Variants in CCDC141 observed in about 807,000 individuals in gnomAD.
CCDC141 encodes coiled-coil domain containing 141.
In CCDC141, 168 loss-of-function variants were observed where a neutral mutation model predicts 181.0. That is an observed-to-expected ratio of 0.93 (90% CI 0.82 to 1.05). CCDC141 has a LOEUF of 1.05. Among genes scored for constraint, CCDC141 ranks in the 50% least tolerant of loss-of-function variants. The probability of loss-of-function intolerance (pLI) is 0.00; values close to 1 mark genes in which losing one functional copy is unlikely to be tolerated. For synonymous variants in CCDC141, 666 were observed against 642.3 expected, an observed-to-expected ratio of 1.04 and a Z score of -0.56; for missense variants, 1,902 against 1,788.5, an observed-to-expected ratio of 1.06 and a Z score of -1.14.
At chr2:178,938,876 A>G (rs1275020897) in intron 6 of CCDC141, among the ~76,000 whole-genome samples, 1 of 152,166 alleles carries the variant, frequency 6.6e-6, no homozygotes, top group Non-Finnish European at 1.5e-5. Context: ...GCAACCAAGT[A>G]TAGCCTTATA....
At chr2:178,890,715 A>G (rs892314979) in intron 8 of CCDC141, among the ~76,000 whole-genome samples, 4 of 152,170 alleles carry the variant, frequency 2.6e-5, no homozygotes, top group African/African-American at 4.8e-5. Context: ...CAACACTGAC[A>G]CTGAGCCCAG....
At chr2:179,027,605 A>G (rs943575279) in intron 2 of CCDC141, among the ~76,000 whole-genome samples, 12 of 137,378 alleles carry the variant, frequency 8.7e-5, no homozygotes, top group African/African-American at 3.0e-4. Context: ...AGATCGTGCC[A>G]TTGCACTCCA....
intron 5 of CCDC141, among the ~76,000 whole-genome samples, chr2:178,953,162 C>T (rs534384044): frequency 2.6e-5 from 4 of 152,154 alleles, no homozygotes; most frequent in South Asian, 2.1e-4. Context: ...TTCGGCTGGG[C>T]GTGGTGGCTC....
chr2:178,928,560 A>G (rs1489544871), intron 6 of CCDC141, among the ~76,000 whole-genome samples: 4 of 145,340 alleles, frequency 2.8e-5, no homozygotes, highest in Non-Finnish European at 5.9e-5. Flanking sequence ...AAATGCCAGG[A>G]AAAAAAAAGA....
At chr2:178,869,419 T>A in intron 14 of CCDC141, 114 bp from the exon 15 acceptor site, 1 of 713,568 alleles carries the variant, frequency 1.4e-6, no homozygotes, top group Non-Finnish European at 2.1e-6. Flanking sequence ...AACAAATACT[T>A]ATTATGAATG....
At chr2:178,980,178 C>T (rs1489233484) in intron 2 of CCDC141, among the ~76,000 whole-genome samples, 1 of 152,064 alleles carries the variant, frequency 6.6e-6, no homozygotes, top group Non-Finnish European at 1.5e-5. Context: ...TTCAAGGGAC[C>T]ATTCCTGTAG....
intron 5 of CCDC141, among the ~76,000 whole-genome samples, chr2:178,957,285 A>T (rs1203983809): frequency 6.6e-6 from 1 of 152,214 alleles, no homozygotes; most frequent in Non-Finnish European, 1.5e-5. Flanking sequence ...TTTTGCACTT[A>T]TTTCATTTAA....
At chr2:179,048,699 A>G (rs989503218) in intron 1 of CCDC141, among the ~76,000 whole-genome samples, 2 of 152,046 alleles carry the variant, frequency 1.3e-5, no homozygotes. Context: ...CCTCTCTGGG[A>G]CTCTGAAAAG....
At chr2:178,930,611 A>G (rs549594936) in intron 6 of CCDC141, among the ~76,000 whole-genome samples, 1 of 152,314 alleles carries the variant, frequency 6.6e-6, no homozygotes, top group African/African-American at 2.4e-5. Flanking sequence ...GAAGATAGAC[A>G]TATAGATTTA....
intron 2 of CCDC141, among the ~76,000 whole-genome samples, chr2:179,027,986 T>C (rs1392527688): frequency 6.6e-6 from 1 of 152,180 alleles, no homozygotes; most frequent in African/African-American, 2.4e-5. Context: ...CAAGATAAGA[T>C]TGTTCATTTT....
intron 7 of CCDC141, among the ~76,000 whole-genome samples, chr2:178,912,476 T>G (rs1575207915): frequency 6.6e-6 from 1 of 152,204 alleles, no homozygotes; most frequent in East Asian, 1.9e-4. Flanking sequence ...ATGATATATC[T>G]ATTTTAATAA....
chr2:179,045,968 T>G (rs931538973), intron 2 of CCDC141, among the ~76,000 whole-genome samples: 2 of 152,134 alleles, frequency 1.3e-5, no homozygotes, highest in African/African-American at 4.8e-5. Flanking sequence ...TACTAATTCT[T>G]TCTTCAACTT....
intron 2 of CCDC141, among the ~76,000 whole-genome samples, chr2:179,028,686 C>T (rs1029237866): frequency 6.6e-6 from 1 of 152,080 alleles, no homozygotes; most frequent in African/African-American, 2.4e-5. Flanking sequence ...ATTATTGATT[C>T]TAAAATATAT....
At chr2:179,013,597 A>C (rs955757322) in intron 2 of CCDC141, among the ~76,000 whole-genome samples, 1 of 152,184 alleles carries the variant, frequency 6.6e-6, no homozygotes, top group Non-Finnish European at 1.5e-5. Context: ...CATTCTTTAC[A>C]GAATTAGAAA....
chr2:178,958,320 T>C (rs74803700), intron 5 of CCDC141, among the ~76,000 whole-genome samples: 4,030 of 152,210 alleles, frequency 0.026, 189 homozygotes, highest in African/African-American at 0.091. Flanking sequence ...TGGGTTATAA[T>C]GATGTGTCAC....
At chr2:178,854,109 T>C (rs1685282779) in intron 19 of CCDC141, among the ~76,000 whole-genome samples, 1 of 152,232 alleles carries the variant, frequency 6.6e-6, no homozygotes, top group Non-Finnish European at 1.5e-5. Context: ...TAAATTATCT[T>C]TGAAGAATAA....
intron 8 of CCDC141, among the ~76,000 whole-genome samples, chr2:178,893,254 T>C (rs1027270165): frequency 1.3e-5 from 2 of 151,262 alleles, no homozygotes; most frequent in African/African-American, 4.9e-5. Flanking sequence ...CACAGACGTA[T>C]TGACTTCTGG....
intron 5 of CCDC141, among the ~76,000 whole-genome samples, chr2:178,951,100 G>A (rs939147118): frequency 1.3e-5 from 2 of 152,244 alleles, no homozygotes; most frequent in African/African-American, 4.8e-5. Context: ...CATTACCTCC[G>A]ACTCATTGAA....
chr2:178,879,253 T>C (rs1346865513), intron 11 of CCDC141, among the ~76,000 whole-genome samples: 1 of 152,238 alleles, frequency 6.6e-6, no homozygotes, highest in Non-Finnish European at 1.5e-5. Flanking sequence ...ATAATACTAA[T>C]GGCTGACAGG....
Sources: allele counts gnomAD v4.1 joint callset (sites outside exome capture counted in the v4.1 genomes callset), GRCh38; gene constraint gnomAD v4.1.1; transcripts MANE v1.5; gene names NCBI Gene and HGNC (gene_info 2026-07-23, HGNC 2026-07-21).